Variants in RNF180 observed in about 807,000 individuals in gnomAD.
The protein encoded by RNF180 is E3 ubiquitin-protein ligase RNF180.
RNF180 carries 38 observed loss-of-function variants against 59.2 expected under a neutral mutation model. That is an observed-to-expected ratio of 0.64 (90% CI 0.50 to 0.84). RNF180 has a LOEUF of 0.84. Among genes scored for constraint, RNF180 ranks in the 40% least tolerant of loss-of-function variants. The pLI, the probability that RNF180 is intolerant of heterozygous loss-of-function variation, is 0.00. For missense variants in RNF180, 705 were observed against 700.9 expected (o/e 1.01, Z -0.07); for synonymous variants, 262 against 240.3 (o/e 1.09, Z -0.84).
At chr5:64,199,769 A>C (rs148734746) in intron 1 of RNF180, among the ~76,000 whole-genome samples, 6 of 152,314 alleles carry the variant, frequency 3.9e-5, no homozygotes, top group African/African-American at 1.4e-4. Flanking sequence ...TTACCAGACA[A>C]GTTATTTAAC....
chr5:64,310,622 A>G (rs985549837), intron 5 of RNF180, among the ~76,000 whole-genome samples: 3 of 151,532 alleles, frequency 2.0e-5, no homozygotes, highest in Non-Finnish European at 4.4e-5. Flanking sequence ...GTTTTTTGTG[A>G]CAAATTTTTA....
At chr5:64,358,221 G>A (rs1746105332) in intron 7 of RNF180, among the ~76,000 whole-genome samples, 1 of 151,798 alleles carries the variant, frequency 6.6e-6, no homozygotes, top group Non-Finnish European at 1.5e-5. Flanking sequence ...TATATTGCTG[G>A]TTATTGTGGC....
chr5:64,251,331 C>T (rs1028169959), intron 5 of RNF180, among the ~76,000 whole-genome samples: 1 of 152,106 alleles, frequency 6.6e-6, no homozygotes, highest in South Asian at 2.1e-4. Context: ...ACCATACTGG[C>T]GACCCTAGCC....
intron 5 of RNF180, among the ~76,000 whole-genome samples, chr5:64,297,378 T>TA (rs1742938296): frequency 1.3e-5 from 2 of 152,080 alleles, no homozygotes; most frequent in African/African-American, 4.8e-5. Context: ...CCGATTATTT[T>TA]ATAGTAGTTG....
intron 5 of RNF180, among the ~76,000 whole-genome samples, chr5:64,223,899 G>A (rs1741505679): frequency 6.6e-6 from 1 of 152,112 alleles, no homozygotes; most frequent in Non-Finnish European, 1.5e-5. Context: ...ATTTTCTTGG[G>A]TATTTGCAGA....
intron 5 of RNF180, among the ~76,000 whole-genome samples, chr5:64,221,053 T>C (rs538870620): frequency 6.6e-6 from 1 of 152,222 alleles, no homozygotes; most frequent in East Asian, 1.9e-4. Flanking sequence ...TGGATCTGCA[T>C]ATAGAGATCA....
At chr5:64,166,319 C>T (rs1219823347) in intron 1 of RNF180, 1 of 152,594 alleles carries the variant, frequency 6.6e-6, no homozygotes, top group African/African-American at 2.4e-5. Context: ...GTACTGAACC[C>T]TCTCCAGGTC....
chr5:64,254,593 A>T (rs1219134536), intron 5 of RNF180, among the ~76,000 whole-genome samples: 1 of 152,218 alleles, frequency 6.6e-6, no homozygotes, highest in East Asian at 1.9e-4. Flanking sequence ...TGAAGCAATC[A>T]TAAAGCAAGC....
chr5:64,258,202 A>G (rs1316905149), intron 5 of RNF180, among the ~76,000 whole-genome samples: 2 of 152,202 alleles, frequency 1.3e-5, no homozygotes, highest in Non-Finnish European at 2.9e-5. Flanking sequence ...GAATATGGGG[A>G]CACTTATGAC....
intron 7 of RNF180, among the ~76,000 whole-genome samples, chr5:64,335,218 T>C (rs1279194390): frequency 1.3e-5 from 2 of 152,180 alleles, no homozygotes; most frequent in African/African-American, 4.8e-5. Context: ...TGTTTAAGAA[T>C]GTTAAAATAT....
intron 5 of RNF180, among the ~76,000 whole-genome samples, chr5:64,289,532 G>T (rs2112418344): frequency 6.6e-6 from 1 of 152,154 alleles, no homozygotes; most frequent in African/African-American, 2.4e-5. Flanking sequence ...GGCTTTTATT[G>T]GTTGGTAGGC....
At chr5:64,233,058 G>A (rs1459505332) in intron 5 of RNF180, among the ~76,000 whole-genome samples, 2 of 152,112 alleles carry the variant, frequency 1.3e-5, no homozygotes, top group Non-Finnish European at 2.9e-5. Context: ...TTAAACCATG[G>A]GCTTTTGAGG....
chr5:64,211,654 C>G (rs1752319254), intron 2 of RNF180, among the ~76,000 whole-genome samples: 1 of 152,118 alleles, frequency 6.6e-6, no homozygotes, highest in African/African-American at 2.4e-5. Context: ...CATCCAGCAT[C>G]TTGATAGAGA....
intron 3 of RNF180, among the ~76,000 whole-genome samples, chr5:64,212,848 G>C (rs1476839468): frequency 6.6e-6 from 1 of 152,150 alleles, no homozygotes; most frequent in African/African-American, 2.4e-5. Flanking sequence ...CCACTGAGCA[G>C]CTTAATTATT....
Position 64,317,623 on chromosome 5 carries a change from T to TACACAC in RNF180, c.1228-7541_1228-7536dup, listed in dbSNP as rs3069586. ...ACACACACACACACACACACATATA[T>TACACAC]ACACACACACACACACACACACACA... On this transcript the variant is annotated intron_variant, in intron 5 of 7. Transcript: ENST00000389100. Among the ~76,000 whole-genome samples the TACACAC allele has an allele frequency of 6.8e-4, 99 of 144,958 alleles. No homozygotes were observed. The Middle Eastern group carries it at 0.011, about 16-fold the overall frequency.
intron 1 of RNF180, among the ~76,000 whole-genome samples, chr5:64,166,888 G>A (rs776141540): frequency 6.6e-6 from 1 of 152,156 alleles, no homozygotes; most frequent in South Asian, 2.1e-4. Context: ...TCTCAAAGAT[G>A]GACGGTCTGA....
chr5:64,168,320 T>A (rs532833572), intron 1 of RNF180, among the ~76,000 whole-genome samples: 1 of 152,312 alleles, frequency 6.6e-6, no homozygotes, highest in South Asian at 2.1e-4. Context: ...TAAAGGATTG[T>A]CCTGATGGCT....
At chr5:64,173,900 G>A (rs1050386578) in intron 1 of RNF180, among the ~76,000 whole-genome samples, 1 of 152,012 alleles carries the variant, frequency 6.6e-6, no homozygotes, top group African/African-American at 2.4e-5. Flanking sequence ...ATTTTTAGTA[G>A]AGACAGGGTT....
At chr5:64,267,039 G>A (rs1249522922) in intron 5 of RNF180, among the ~76,000 whole-genome samples, 1 of 152,048 alleles carries the variant, frequency 6.6e-6, no homozygotes, top group African/African-American at 2.4e-5. Flanking sequence ...TTAGGATGCT[G>A]CATCAGACTG....
Sources: gnomAD v4.1 joint callset for allele counts (sites outside exome capture counted in the v4.1 genomes callset) on GRCh38, gnomAD v4.1.1 for gene constraint, MANE v1.5 for transcripts, NCBI Gene and HGNC (gene_info 2026-07-23, HGNC 2026-07-21) for gene names.